The following NUDT9 variants were observed in gnomAD, a reference collection of about 807,000 sequenced individuals.
NUDT9 encodes the protein nudix hydrolase 9, also known as ADP-ribose pyrophosphatase.
In NUDT9, 31 loss-of-function variants were observed where a neutral mutation model predicts 41.0. The ratio of observed to expected loss-of-function variants is 0.76; its 90% CI spans 0.57 to 1.02. The LOEUF (loss-of-function observed/expected upper bound fraction) is 1.02, where lower values mean the gene tolerates loss of function less well. Among genes scored for constraint, NUDT9 ranks in the 50% least tolerant of loss-of-function variants. The pLI is 0.00. For synonymous variants in NUDT9, 146 were observed against 147.6 expected (o/e 0.99, Z 0.08); for missense variants, 380 against 431.4 (o/e 0.88, Z 1.06).
chr4:87,431,669 A>T (rs1313208231), intron 1 of NUDT9, among the ~76,000 whole-genome samples: 2 of 152,044 alleles, frequency 1.3e-5, no homozygotes, highest in African/African-American at 4.8e-5. Context: ...TGCTATTGTA[A>T]GTAGAATTTT....
Sources: gnomAD v4.1 joint callset for allele counts (sites outside exome capture counted in the v4.1 genomes callset) on GRCh38, gnomAD v4.1.1 for gene constraint, MANE v1.5 for transcripts, NCBI Gene and HGNC (gene_info 2026-07-23, HGNC 2026-07-21) for gene names.